The following DLGAP2 variants were observed in gnomAD, a reference collection of about 807,000 sequenced individuals.
DLGAP2 encodes the protein DLG associated protein 2, also known as disks large-associated protein 2.
DLGAP2 carries 26 observed loss-of-function variants against 100.3 expected under a neutral mutation model. The observed-to-expected ratio is 0.26, with a 90% CI of 0.19 to 0.36. The LOEUF is 0.36. DLGAP2 is among the 10% of genes least tolerant of loss of function. DLGAP2 has a pLI of 1.00. For missense variants in DLGAP2, 1,858 were observed against 1,453.2 expected, an observed-to-expected ratio of 1.28 and a Z score of -4.53; for synonymous variants, 886 against 630.1, an observed-to-expected ratio of 1.41 and a Z score of -6.08.
intron 4 of DLGAP2, among the ~76,000 whole-genome samples, chr8:1,539,099 TG>T (rs1413979130): frequency 6.6e-6 from 1 of 152,152 alleles, no homozygotes; most frequent in Non-Finnish European, 1.5e-5. Context: ...TTGGCCAGGC[TG>T]ATCTTGAACT....
Position 1,124,007 on chromosome 8 carries a change from C to G in DLGAP2, c.74-134844C>G, listed in dbSNP as rs145693471. Among the ~76,000 whole-genome samples the G allele has an allele frequency of 3.3e-4, 48 of 144,282 alleles. 1 individual carries two copies. The highest frequency in any genetic ancestry group is 1.1e-3 in the African/African-American group (44 of 40,892). 94.7% of individuals were successfully genotyped at this position (144,282 alleles called of 152,430 possible). A position where few individuals can be genotyped will look rare whatever the true frequency, so the allele number is the denominator to read the frequency against. ...TGCCTGTTTTTGGAGGAAGTGAGAG[C>G]GTGGTATTCTTAAAAAAAATTCAGC... On this transcript the variant is annotated intron_variant, in intron 2 of 14. Coordinates refer to ENST00000637795, the MANE Select transcript of DLGAP2 (RefSeq NM_001346810.2).
At chr8:1,600,987 T>G (rs143900756) in intron 6 of DLGAP2, among the ~76,000 whole-genome samples, 2 of 152,306 alleles carry the variant, frequency 1.3e-5, no homozygotes, top group South Asian at 4.1e-4. Context: ...GTTGTGCTGG[T>G]TTTTCCTCAT....
At chr8:1,633,414 C>G (rs367630763) in intron 8 of DLGAP2, among the ~76,000 whole-genome samples, 1 of 152,156 alleles carries the variant, frequency 6.6e-6, no homozygotes, top group African/African-American at 2.4e-5. Context: ...CAGTGACTCT[C>G]AGGCTGCCCT....
intron 2 of DLGAP2, among the ~76,000 whole-genome samples, chr8:1,243,177 T>C (rs1031946664): frequency 1.3e-5 from 2 of 152,190 alleles, no homozygotes; most frequent in Non-Finnish European, 2.9e-5. Context: ...GGAGCTCACA[T>C]TAAGTGGACA....
chr8:822,272 T>TGC, intron 1 of DLGAP2: 2 of 399,350 alleles, frequency 5.0e-6, no homozygotes, highest in Non-Finnish European at 8.8e-6. Context: ...CTTCCTGCTG[T>TGC]GATGGGTGCT....
At chr8:1,629,393 G>C (rs937156613) in intron 7 of DLGAP2, among the ~76,000 whole-genome samples, 2 of 152,174 alleles carry the variant, frequency 1.3e-5, no homozygotes, top group African/African-American at 4.8e-5. Flanking sequence ...TGGGCAAATG[G>C]GAATGGTGGG....
intron 1 of DLGAP2, among the ~76,000 whole-genome samples, chr8:799,896 C>G (rs979531337): frequency 8.5e-5 from 13 of 152,152 alleles, no homozygotes; most frequent in African/African-American, 2.2e-4. Context: ...AGCTCCCGGC[C>G]CCTCACTTTG....
chr8:853,679 C>T (rs540106881), intron 1 of DLGAP2, among the ~76,000 whole-genome samples: 14 of 152,326 alleles, frequency 9.2e-5, no homozygotes, highest in African/African-American at 3.1e-4. Context: ...GCAGCCACAC[C>T]GCCCCGTGCA....
intron 3 of DLGAP2, among the ~76,000 whole-genome samples, chr8:1,306,184 G>A (rs1800486534): frequency 6.6e-6 from 1 of 151,298 alleles, no homozygotes; most frequent in Non-Finnish European, 1.5e-5. Context: ...AGAAAACTGT[G>A]AAGATTCCCC....
chr8:1,150,851 ACAC>A (rs1448254846), intron 2 of DLGAP2, among the ~76,000 whole-genome samples: 1 of 152,244 alleles, frequency 6.6e-6, no homozygotes, highest in African/African-American at 2.4e-5. Context: ...AATATATTAA[ACAC>A]CACTTCTCAA....
At chr8:1,100,908 C>T (rs1804556762) in intron 2 of DLGAP2, among the ~76,000 whole-genome samples, 1 of 152,194 alleles carries the variant, frequency 6.6e-6, no homozygotes, top group African/African-American at 2.4e-5. Context: ...ATTTCAAGTG[C>T]TTTATAGCTG....
intron 2 of DLGAP2, among the ~76,000 whole-genome samples, chr8:1,136,318 C>T (rs1419215605): frequency 6.6e-6 from 1 of 152,082 alleles, no homozygotes; most frequent in Non-Finnish European, 1.5e-5. Flanking sequence ...AACTCCCCTC[C>T]CATCAGCCAT....
At chr8:923,508 A>G (rs1798755949) in intron 2 of DLGAP2, among the ~76,000 whole-genome samples, 1 of 152,252 alleles carries the variant, frequency 6.6e-6, no homozygotes, top group Admixed American at 6.5e-5. Context: ...ATTCAGAATG[A>G]AAAAGCTACA....
intron 2 of DLGAP2, among the ~76,000 whole-genome samples, chr8:1,075,748 G>C (rs1024783749): frequency 2.0e-5 from 3 of 152,040 alleles, no homozygotes; most frequent in African/African-American, 7.3e-5. Context: ...TCAGGGCTGA[G>C]TGATGAGCAG....
intron 4 of DLGAP2, among the ~76,000 whole-genome samples, chr8:1,535,875 A>G (rs1019504409): frequency 9.9e-5 from 15 of 152,178 alleles, no homozygotes; most frequent in African/African-American, 2.7e-4. Context: ...TGACTAGGGC[A>G]TGGACGGTGC....
chr8:1,656,081 T>C (rs943413345), intron 8 of DLGAP2, among the ~76,000 whole-genome samples: 2 of 152,144 alleles, frequency 1.3e-5, no homozygotes, highest in African/African-American at 2.4e-5. Context: ...CCCAGCACTT[T>C]GGGAGGCCAA....
intron 3 of DLGAP2, among the ~76,000 whole-genome samples, chr8:1,304,950 C>T (rs187321485): frequency 4.6e-5 from 7 of 152,308 alleles, no homozygotes; most frequent in African/African-American, 1.4e-4. Context: ...TATATATACC[C>T]AGCTGAAGTG....
intron 1 of DLGAP2, among the ~76,000 whole-genome samples, chr8:779,571 T>A (rs557160516): frequency 6.6e-6 from 1 of 151,798 alleles, no homozygotes; most frequent in African/African-American, 2.4e-5. Flanking sequence ...TCAAGTGATC[T>A]TCCCACCTCA....
chr8:1,082,920 A>C (rs1803858721), intron 2 of DLGAP2, among the ~76,000 whole-genome samples: 2 of 152,244 alleles, frequency 1.3e-5, no homozygotes, highest in Non-Finnish European at 2.9e-5. Context: ...AATAGTTTAC[A>C]AAACTTCTTT....
Sources: gnomAD v4.1 joint callset for allele counts (sites outside exome capture counted in the v4.1 genomes callset) on GRCh38, gnomAD v4.1.1 for gene constraint, MANE v1.5 for transcripts, NCBI Gene and HGNC (gene_info 2026-07-23, HGNC 2026-07-21) for gene names.